AADAT: variants seen among roughly 807,000 people sequenced by gnomAD.
AADAT encodes kynurenine/alpha-aminoadipate aminotransferase, mitochondrial.
Under a neutral mutation model 56.2 loss-of-function variants are expected in AADAT, and 25 were observed. That is an observed-to-expected ratio of 0.44 (90% confidence interval 0.32 to 0.62). The LOEUF (loss-of-function observed/expected upper bound fraction) is 0.62. AADAT is among the 20% of genes least tolerant of loss of function. The probability of loss-of-function intolerance (pLI) is 0.04; values close to 1 mark genes in which losing one functional copy is unlikely to be tolerated. For missense variants in AADAT, 387 were observed against 510.5 expected (o/e 0.76, Z 2.33); for synonymous variants, 173 against 164.7 (o/e 1.05, Z -0.39).
At position 170,060,584 on chromosome 4, in the gene AADAT, T is replaced by G. The variant is rs1731145471; in HGVS notation, c.*344A>C. 5.5e-6 allele frequency: 1 copy of G among 180,326 alleles called. No homozygotes were observed. The highest frequency in any genetic ancestry group is 2.3e-5 in the African/African-American group (1 of 42,772). 11.2% of individuals were successfully genotyped at this position (180,326 alleles called of 1,614,324 possible). ...ATACAGTTTGGCCATCTGATGAATT[T>G]AGAGGCACTTTAAAAGGTGTCTAGT... On this transcript the variant is annotated 3_prime_UTR_variant, in exon 13 of 13. Coordinates refer to ENST00000337664, the MANE Select transcript of AADAT (RefSeq NM_016228.4).
At chr4:170,083,354 A>G (rs570081412) in intron 3 of AADAT, among the ~76,000 whole-genome samples, 24 of 152,280 alleles carry the variant, frequency 1.6e-4, no homozygotes, top group Non-Finnish European at 2.9e-4. Context: ...AACGCAATAT[A>G]CTAAAATTTG....
intron 1 of AADAT, 62 bp downstream of exon 1, chr4:170,089,562 T>C: frequency 6.3e-7 from 1 of 1,599,492 alleles, no homozygotes; most frequent in Non-Finnish European, 8.6e-7. Context: ...TAGGGAACCC[T>C]CCTTAGAGGC....
intron 11 of AADAT, among the ~76,000 whole-genome samples, 176 bp downstream of exon 11, chr4:170,064,543 C>T (rs1349351032): frequency 2.6e-5 from 4 of 152,152 alleles, no homozygotes; most frequent in South Asian, 2.1e-4. Context: ...TGGATAATTA[C>T]GTAACCCAAA....
At chr4:170,092,593 A>G (rs1732900638), upstream of AADAT, among the ~76,000 whole-genome samples, 1 of 152,142 alleles carries the variant, frequency 6.6e-6, no homozygotes, top group African/African-American at 2.4e-5. Flanking sequence ...TATCTAGTAA[A>G]CCTGTTAGAA....
Position 170,060,398 on chromosome 4 carries a change from T to C in AADAT, c.*530A>G, listed in dbSNP as rs1053105956. The C allele has an allele frequency of 1.3e-5, 2 of 152,268 alleles. No individual in the cohort carries two copies. The highest frequency in any genetic ancestry group is 6.5e-5 in the Admixed American group (1 of 15,286). 9.4% of individuals were successfully genotyped at this position (152,268 alleles called of 1,614,324 possible). On this transcript the variant is annotated 3_prime_UTR_variant, in exon 13 of 13. Coordinates refer to ENST00000337664, the MANE Select transcript of AADAT (RefSeq NM_016228.4). ...ACATTATATACCATTTTGCACTTAA[T>C]TACTTCTTTAAAATCTCAAAATAAT... is the stretch of plus-strand genomic sequence containing the variant.
chr4:170,090,868 C>A (rs1449093480), upstream of AADAT, among the ~76,000 whole-genome samples: 1 of 152,196 alleles, frequency 6.6e-6, no homozygotes, highest in Non-Finnish European at 1.5e-5. Context: ...TTCATTCATT[C>A]AGCACAAATT....
Position 170,076,649 on chromosome 4 carries a change from T to C in AADAT, c.444+1860A>G, listed in dbSNP as rs546453585. ...TTATCAGATATATTATGATAAATAT[T>C]TTCTCCCACTGTATAGACTCTTTTT... is the stretch of plus-strand genomic sequence containing the variant. On this transcript the variant is annotated intron_variant, in intron 4 of 12. Transcript: ENST00000337664. Among the ~76,000 whole-genome samples the C allele has an allele frequency of 2.6e-5, 4 of 152,334 alleles. No homozygotes were observed. In the South Asian group the frequency reaches 8.3e-4, roughly 32 times the overall value.
At chr4:170,093,349 GAACCCGGGAGGCGGAGGTTGGAGTC>G (rs1441833807), upstream of AADAT, among the ~76,000 whole-genome samples, 1 of 152,042 alleles carries the variant, frequency 6.6e-6, no homozygotes, top group African/African-American at 2.4e-5. Flanking sequence ...AGCATTTTTC[GAACCCGGGAGGCGGAGGTTGGAGTC>G]AGCTGAAGCC....
chr4:170,088,233 T>C (rs1732655700), intron 2 of AADAT, among the ~76,000 whole-genome samples, 163 bp downstream of exon 2: 1 of 152,090 alleles, frequency 6.6e-6, no homozygotes, highest in African/African-American at 2.4e-5. Flanking sequence ...TGGTTAGTAT[T>C]CAATGACTGA....
chr4:170,065,505 T>C (rs974084815), intron 10 of AADAT, among the ~76,000 whole-genome samples: 9 of 151,978 alleles, frequency 5.9e-5, no homozygotes, highest in African/African-American at 9.7e-5. Flanking sequence ...AAGATACTAA[T>C]TCTGTTTTTT....
Position 170,060,747 on chromosome 4 carries a change from T to TCTA in AADAT, c.*180_*181insTAG, listed in dbSNP as rs1164015769. ...TGATTAGTTTGATTTCTTTCTCTTT[T>TCTA]TTTAGAGACAGGGTCTTGTTCTGCC... On this transcript the variant is annotated 3_prime_UTR_variant, in exon 13 of 13. Coordinates refer to ENST00000337664, the MANE Select transcript of AADAT (RefSeq NM_016228.4). 2 of 410,376 alleles carry TCTA rather than the reference T, an allele frequency of 4.9e-6. No individual in the cohort carries two copies. Among genetic ancestry groups the TCTA allele is most frequent in the Non-Finnish European group, 8.5e-6 (2 of 235,106 alleles). 25.4% of individuals were successfully genotyped at this position (410,376 alleles called of 1,614,324 possible).
rs1018281199 is a variant in AADAT at position 170,060,466 on chromosome 4, A to G, written c.*462T>C. On this transcript the variant is annotated 3_prime_UTR_variant, in exon 13 of 13. Transcript: ENST00000337664. ...TTTCAAAGACAATTTATGGGAAATTACAAAGCAACTACAAAGTTCTTCATA... is the reference window on the plus strand; with the variant it reads ...TTTCAAAGACAATTTATGGGAAATTGCAAAGCAACTACAAAGTTCTTCATA... The G allele has an allele frequency of 6.6e-6, 1 of 152,512 alleles. No homozygotes were observed. The highest frequency in any genetic ancestry group is 2.4e-5 in the African/African-American group (1 of 41,494). The allele number at this position is 152,512 out of a possible 1,614,324, so 9.4% of individuals were successfully genotyped here.
At chr4:170,089,184 G>A in intron 1 of AADAT, 1 of 318,794 alleles carries the variant, frequency 3.1e-6, no homozygotes, top group Non-Finnish European at 6.0e-6. Flanking sequence ...ACAGCAAAGG[G>A]CCACAATAGC....
Position 170,088,473 on chromosome 4 carries a change from G to A in AADAT, c.159C>T (p.Ile53=). The A allele has an allele frequency of 6.2e-7, 1 of 1,613,756 alleles. No individual in the cohort carries two copies. Among genetic ancestry groups the A allele is most frequent in the Middle Eastern group, 1.6e-4 (1 of 6,062 alleles). ...GGATGGTCTTTCCATTTTCTACAGT[G>A]ATTACGGCAGTCTTAAAAGGAAACA... ...PNMFPFKTAV[I]TVENGKTIQF... is the part of the protein sequence containing the mutation. Residue 53 remains isoleucine (I), a synonymous_variant, in exon 2 of 13, where the codon ATC becomes ATT. Coordinates refer to ENST00000337664, the MANE Select transcript of AADAT (RefSeq NM_016228.4).
In AADAT at chr4:170,060,673, T is replaced by C. The variant is rs1170164736; in HGVS notation, c.*255A>G. On this transcript the variant is annotated 3_prime_UTR_variant, in exon 13 of 13. Transcript: ENST00000337664. ...TCTTTAAGTCTAATACCAGTGTTCA[T>C]TTCTTCCTGCCAAAACAAGAAATTT... 3.2e-5 allele frequency: 11 copies of C among 343,974 alleles called. No homozygotes were observed. Among genetic ancestry groups the C allele is most frequent in the Non-Finnish European group, 5.7e-5 (11 of 192,744 alleles). The allele number at this position is 343,974 out of a possible 1,614,324, so 21.3% of individuals were successfully genotyped here.
intron 2 of AADAT, 54 bp downstream of exon 2, chr4:170,088,342 G>T: frequency 6.7e-7 from 1 of 1,491,162 alleles, no homozygotes; most frequent in Non-Finnish European, 9.1e-7. Context: ...ATGGGCCTTA[G>T]AATATTTCTT....
intron 5 of AADAT, 122 bp downstream of exon 5, chr4:170,073,014 T>G (rs2111171781): frequency 1.1e-6 from 1 of 884,336 alleles, no homozygotes; most frequent in East Asian, 2.6e-5. Flanking sequence ...TGATTTCCTT[T>G]TATTAAAAAT....
At chr4:170,089,413 C>G (rs1174306124) in intron 1 of AADAT, 1 of 615,374 alleles carries the variant, frequency 1.6e-6, no homozygotes, top group East Asian at 2.8e-5. Context: ...TACTCTGCTC[C>G]AGCAGAAATA....
rs372354369 is a variant in AADAT, at chr4:170,079,467, T to C, written c.370-884A>G. On this transcript the variant is annotated intron_variant, in intron 3 of 12. Coordinates refer to ENST00000337664, the MANE Select transcript of AADAT (RefSeq NM_016228.4). The stretch of plus-strand genomic sequence containing the variant: ...TCAATCTGGCTGCAGTATGAAAGAA[T>C]GAAAGAAGGGTGAGAATACATGTGG... Among the ~76,000 whole-genome samples the C allele has an allele frequency of 2.8e-3, 431 of 152,148 alleles. 16 individuals carry two copies. The South Asian group carries it at 0.063, about 22-fold the overall frequency.
Sources: allele counts gnomAD v4.1 joint callset (sites outside exome capture counted in the v4.1 genomes callset), GRCh38; gene constraint gnomAD v4.1.1; transcripts MANE v1.5; gene names NCBI Gene and HGNC (gene_info 2026-07-23, HGNC 2026-07-21).